CCDC39: variants seen among roughly 807,000 people sequenced by gnomAD.
The protein encoded by CCDC39 is coiled-coil domain-containing protein 39.
Under a neutral mutation model 121.0 loss-of-function variants are expected in CCDC39, and 113 were observed. The ratio of observed to expected loss-of-function variants is 0.93; its 90% CI spans 0.80 to 1.09. The LOEUF is 1.09. CCDC39 is among the 50% of genes least tolerant of loss of function. The pLI, the probability that CCDC39 is intolerant of heterozygous loss-of-function variation, is 0.00. For synonymous variants in CCDC39, 349 were observed against 352.2 expected (o/e 0.99, Z 0.10); for missense variants, 1,063 against 1,074.7 (o/e 0.99, Z 0.15).
At chr3:180,659,264 A>C (rs1711677451) in intron 6 of CCDC39, among the ~76,000 whole-genome samples, 188 bp downstream of exon 6, 1 of 152,210 alleles carries the variant, frequency 6.6e-6, no homozygotes, top group South Asian at 2.1e-4. Context: ...ATAATACTAC[A>C]CTCAAATAAT....
Position 180,679,424 on chromosome 3 carries a change from C to T in CCDC39, c.-44G>A, listed in dbSNP as rs1273115103. 7 of 1,567,274 alleles carry T rather than the reference C, an allele frequency of 4.5e-6. No individual in the cohort carries two copies. Among genetic ancestry groups the T allele is most frequent in the South Asian group, 1.1e-5 (1 of 90,190 alleles). ...AAGATACAGAGCAAAGATCCGCCTTCTTGTACAGCGGGTGAGCAGCACCCG... is the reference window on the plus strand; with the variant it reads ...AAGATACAGAGCAAAGATCCGCCTTTTTGTACAGCGGGTGAGCAGCACCCG... On this transcript the variant is annotated 5_prime_UTR_variant, in exon 1 of 20. Transcript: ENST00000476379. The surrounding 1 kb of genome is among the most constrained non-coding windows in gnomAD (Gnocchi z 4.0).
chr3:180,617,704 C>G (rs1315012598), intron 16 of CCDC39: 1 of 389,712 alleles, frequency 2.6e-6, no homozygotes. Flanking sequence ...AGTGCTTAAG[C>G]TAAATGTCAT....
intron 14 of CCDC39, 141 bp downstream of exon 14, chr3:180,631,328 T>C: frequency 1.3e-6 from 1 of 752,276 alleles, no homozygotes. Context: ...ATAGTGGCCC[T>C]AATTAAGTGA....
At chr3:180,664,297 C>T (rs1711817253) in intron 1 of CCDC39, among the ~76,000 whole-genome samples, 1 of 152,138 alleles carries the variant, frequency 6.6e-6, no homozygotes, top group African/African-American at 2.4e-5. Context: ...AAGAGATCAT[C>T]TCCCTCTTGT....
At chr3:180,627,024 T>C (rs745615274) in intron 14 of CCDC39, among the ~76,000 whole-genome samples, 4 of 152,086 alleles carry the variant, frequency 2.6e-5, no homozygotes, top group Admixed American at 6.5e-5. Context: ...GCAGTGAAAA[T>C]GCTATGGGCC....
chr3:180,646,707 G>T (rs1718075232), intron 11 of CCDC39, among the ~76,000 whole-genome samples: 1 of 152,070 alleles, frequency 6.6e-6, no homozygotes, highest in African/African-American at 2.4e-5. Context: ...TCTAAACAGT[G>T]TACTCTTGAA....
Position 180,647,129 on chromosome 3 carries a change from C to CTGGAA in CCDC39, c.1476_1477insTTCCA (p.Glu493PhefsTer40), listed in dbSNP as rs1236643082. On this transcript the variant is annotated frameshift_variant, in exon 11 of 20. Coordinates refer to ENST00000476379, the MANE Select transcript of CCDC39 (RefSeq NM_181426.2). LOFTEE classifies it high-confidence loss of function. Reference sequence around the variant, plus strand: ...AAAAGGCCACATGTAGATTTTTTCTCTTCCAAAGACTTCCTAAGTTCAACA... The same window carrying CTGGAA: ...AAAAGGCCACATGTAGATTTTTTCTCTGGAATTCCAAAGACTTCCTAAGTTCAACA... The CTGGAA allele has an allele frequency of 3.1e-6, 5 of 1,609,114 alleles. No homozygotes were observed.
chr3:180,659,564 G>C lies in CCDC39; in HGVS notation c.626C>G (p.Ala209Gly), dbSNP rs371857720. ...TISAQLELDK[A>G]AQDFRKIHNE... Reference sequence around the variant, plus strand: ...ATGAATCTTACGAAAATCTTGTGCTGCTTTATCCAATTCTAACTGTCAAAC... The same window carrying C: ...ATGAATCTTACGAAAATCTTGTGCTCCTTTATCCAATTCTAACTGTCAAAC... The change falls in exon 6 of 20, where the codon GCA (alanine) becomes GGA (glycine). Residue 209 changes from alanine (A) to glycine (G), a missense_variant. Transcript: ENST00000476379. The C allele has an allele frequency of 3.4e-5, 55 of 1,612,534 alleles. No homozygotes were observed. Among genetic ancestry groups the C allele is most frequent in the Non-Finnish European group, 4.7e-5 (55 of 1,179,408 alleles).
intron 15 of CCDC39, 22 bp from the exon 16 acceptor site, chr3:180,619,387 G>A: frequency 8.4e-7 from 1 of 1,183,902 alleles, no homozygotes; most frequent in Non-Finnish European, 1.2e-6. Context: ...AACATTTTTA[G>A]TTTAAAATTT....
chr3:180,658,808 T>C lies in CCDC39; in HGVS notation c.738+644A>G, dbSNP rs970785762. Among the ~76,000 whole-genome samples the C allele has an allele frequency of 2.6e-5, 4 of 152,138 alleles. No homozygotes were observed. The South Asian group carries it at 6.2e-4, about 24-fold the overall frequency. On this transcript the variant is annotated intron_variant, in intron 6 of 19. Coordinates refer to ENST00000476379, the MANE Select transcript of CCDC39 (RefSeq NM_181426.2). The stretch of plus-strand genomic sequence containing the variant: ...GCCAAATGCCTTTCCATGGAGTAGA[T>C]AGAATTTAACCCATCTTCTCACCTG...
chr3:180,656,467 T>C (rs1711582808), intron 6 of CCDC39, among the ~76,000 whole-genome samples: 1 of 152,180 alleles, frequency 6.6e-6, no homozygotes, highest in African/African-American at 2.4e-5. Context: ...GAATGAACTG[T>C]TTTGCAGGAA....
At position 180,659,521 on chromosome 3, in the gene CCDC39, G is replaced by T. The variant is rs774386573; in HGVS notation, c.669C>A (p.Leu223=). The part of the protein sequence containing the change: ...FRKIHNERQE[L]IKQWENTIEQ... ...CTATTGTGTTCTCCCATTGTTTAAT[G>T]AGTTCTTGTCTTTCATTATGAATCT... is the stretch of plus-strand genomic sequence containing the variant. Residue 223 remains leucine, a synonymous_variant, in exon 6 of 20, where the codon CTC becomes CTA. Coordinates refer to ENST00000476379, the MANE Select transcript of CCDC39 (RefSeq NM_181426.2). 7.4e-6 allele frequency: 12 copies of T among 1,613,228 alleles called. No homozygotes were observed. Among genetic ancestry groups the T allele is most frequent in the African/African-American group, 1.3e-5 (1 of 74,892 alleles).
At chr3:180,655,829 G>T (rs1224556889) in intron 6 of CCDC39, among the ~76,000 whole-genome samples, 1 of 152,072 alleles carries the variant, frequency 6.6e-6, no homozygotes, top group Non-Finnish European at 1.5e-5. Flanking sequence ...TTCAAAGCTG[G>T]GAAATAAAAA....
At chr3:180,660,545 A>C in intron 4 of CCDC39, 25 bp downstream of exon 4, 1 of 1,541,756 alleles carries the variant, frequency 6.5e-7, no homozygotes, top group Non-Finnish European at 8.8e-7. Context: ...AGAAAACCTA[A>C]CAGTTACAAT....
intron 14 of CCDC39, among the ~76,000 whole-genome samples, chr3:180,621,358 G>T (rs1717427345): frequency 6.6e-6 from 1 of 152,040 alleles, no homozygotes; most frequent in Admixed American, 6.6e-5. Flanking sequence ...CATAGAGGTT[G>T]TGTTAATTTA....
chr3:180,641,950 C>T (rs751287498), intron 13 of CCDC39, 43 bp downstream of exon 13: 13 of 1,397,576 alleles, frequency 9.3e-6, no homozygotes, highest in Admixed American at 2.0e-5. Flanking sequence ...CTGACATCAT[C>T]CTGTTTTTTT....
chr3:180,635,034 TCA>T (rs1300633715), intron 13 of CCDC39, among the ~76,000 whole-genome samples: 1 of 152,202 alleles, frequency 6.6e-6, no homozygotes, highest in Non-Finnish European at 1.5e-5. Flanking sequence ...TTTAATTGAC[TCA>T]CAGTTCCACA....
intron 6 of CCDC39, among the ~76,000 whole-genome samples, chr3:180,657,793 T>G (rs747190566): frequency 2.0e-5 from 3 of 152,102 alleles, no homozygotes; most frequent in Non-Finnish European, 4.4e-5. Context: ...CTAATTGGAG[T>G]GTATATTCAG....
chr3:180,614,819 G>C lies in CCDC39; in HGVS notation c.*102C>G. 2 of 1,079,238 alleles carry C rather than the reference G, an allele frequency of 1.9e-6. No individual in the cohort carries two copies. The highest frequency in any genetic ancestry group is 3.1e-4 in the Middle Eastern group (1 of 3,278). The allele number at this position is 1,079,238 out of a possible 1,614,324, so 66.9% of individuals were successfully genotyped here. On this transcript the variant is annotated 3_prime_UTR_variant, in exon 20 of 20. Coordinates refer to ENST00000476379, the MANE Select transcript of CCDC39 (RefSeq NM_181426.2). The stretch of plus-strand genomic sequence containing the variant: ...TATCAGTTTTTACACTTACCACTAA[G>C]TTTTTACACTTTCCACTAGATAAAA...
Sources: allele counts gnomAD v4.1 joint callset (sites outside exome capture counted in the v4.1 genomes callset), GRCh38; gene constraint gnomAD v4.1.1; non-coding constraint Gnocchi (gnomAD v3.1); transcripts MANE v1.5; gene names NCBI Gene and HGNC (gene_info 2026-07-23, HGNC 2026-07-21).